Variants in NSD1 observed in about 807,000 individuals in gnomAD.
The protein encoded by NSD1 is histone-lysine N-methyltransferase, H3 lysine-36 specific.
A neutral mutation model predicts 242.7 loss-of-function variants in NSD1; 26 were observed. The ratio of observed to expected loss-of-function variants is 0.11; its 90% CI spans 0.08 to 0.15. NSD1 has a LOEUF of 0.15. Ranked by LOEUF, NSD1 falls within the 10% of genes least tolerant of loss-of-function variation. The pLI, the probability that NSD1 is intolerant of heterozygous loss-of-function variation, is 1.00. For synonymous variants in NSD1, 1,106 were observed against 1,178.1 expected, an observed-to-expected ratio of 0.94 and a Z score of 1.25; for missense variants, 2,495 against 3,272.8, an observed-to-expected ratio of 0.76 and a Z score of 5.80.
At chr5:177,190,656 G>A (rs1014532260) in intron 2 of NSD1, among the ~76,000 whole-genome samples, 1 of 151,704 alleles carries the variant, frequency 6.6e-6, no homozygotes, top group Non-Finnish European at 1.5e-5. Flanking sequence ...TCTATATACA[G>A]GAGGAACTAA....
At chr5:177,183,365 C>G (rs968399200) in intron 2 of NSD1, among the ~76,000 whole-genome samples, 1 of 152,138 alleles carries the variant, frequency 6.6e-6, no homozygotes, top group Non-Finnish European at 1.5e-5. Context: ...GAAACCGAAC[C>G]TGTAGTATCT....
intron 14 of NSD1, chr5:177,265,647 G>A (rs1037027779): frequency 1.2e-5 from 19 of 1,605,002 alleles, no homozygotes; most frequent in South Asian, 2.2e-5. Flanking sequence ...GTGAAGTCCC[G>A]GTCCCAGTTC....
chr5:177,179,282 C>T lies in NSD1; in HGVS notation c.928-12602C>T, dbSNP rs114793014. 9.2e-3 allele frequency among the ~76,000 whole-genome samples: 1,396 copies of T among 152,226 alleles called. 20 individuals are homozygous for T. The highest frequency in any genetic ancestry group is 0.032 in the African/African-American group (1,324 of 41,544). ...CCAGGCTGAAGTACAATGGCAGGAT[C>T]TCAGCTCACCATAACCTCCGCCTCC... On this transcript the variant is annotated intron_variant, in intron 2 of 22. Coordinates refer to ENST00000439151, the MANE Select transcript of NSD1 (RefSeq NM_022455.5).
At chr5:177,203,772 T>C (rs1409157470) in intron 3 of NSD1, among the ~76,000 whole-genome samples, 1 of 152,164 alleles carries the variant, frequency 6.6e-6, no homozygotes, top group Non-Finnish European at 1.5e-5. Context: ...ATATACATCT[T>C]CTGTATTTTT....
chr5:177,250,679 A>T (rs772154664), intron 11 of NSD1, among the ~76,000 whole-genome samples: 10 of 152,208 alleles, frequency 6.6e-5, no homozygotes, highest in Non-Finnish European at 1.2e-4. Flanking sequence ...GGGGAGTCAG[A>T]CATTTGAGGA....
chr5:177,136,898 G>A, intron 2 of NSD1: 1 of 700,306 alleles, frequency 1.4e-6, no homozygotes, highest in South Asian at 1.5e-5. Context: ...TGTTGCCCAG[G>A]CTGGCGTCGG....
At chr5:177,264,819 T>G (rs1294419445) in intron 14 of NSD1, 3 of 752,174 alleles carry the variant, frequency 4.0e-6, no homozygotes, top group African/African-American at 3.4e-5. Flanking sequence ...TCTGTAGGCC[T>G]TTTAGAAAAC....
intron 3 of NSD1, among the ~76,000 whole-genome samples, chr5:177,200,626 T>G (rs190809910): frequency 1.4e-4 from 21 of 152,326 alleles, no homozygotes; most frequent in Non-Finnish European, 1.2e-4. Context: ...TTTGACTATT[T>G]TAGATACCAC....
At chr5:177,159,273 GT>G (rs994038685) in intron 2 of NSD1, among the ~76,000 whole-genome samples, 106 of 143,706 alleles carry the variant, frequency 7.4e-4, no homozygotes, top group Middle Eastern at 3.6e-3. Context: ...TTTCTTTCCA[GT>G]TTTTTTTTTT....
chr5:177,255,821 G>T (rs1756403833), intron 12 of NSD1, among the ~76,000 whole-genome samples: 1 of 152,028 alleles, frequency 6.6e-6, no homozygotes, highest in Non-Finnish European at 1.5e-5. Flanking sequence ...CTGGCCTCCA[G>T]TGATCCAATT....
At chr5:177,274,417 C>G (rs902133513) in intron 17 of NSD1, among the ~76,000 whole-genome samples, 1 of 152,150 alleles carries the variant, frequency 6.6e-6, no homozygotes, top group Non-Finnish European at 1.5e-5. Context: ...TATGTTGTTG[C>G]TAAAATAATT....
chr5:177,190,677 T>G (rs1321545274), intron 2 of NSD1, among the ~76,000 whole-genome samples: 1 of 151,870 alleles, frequency 6.6e-6, no homozygotes, highest in Non-Finnish European at 1.5e-5. Context: ...TCCCAGGTTT[T>G]TTTTTTTTCC....
chr5:177,216,541 CT>C (rs771495579), intron 5 of NSD1, among the ~76,000 whole-genome samples: 56 of 152,126 alleles, frequency 3.7e-4, no homozygotes, highest in Non-Finnish European at 7.4e-4. Context: ...CATCTTCGTT[CT>C]TCAGCATGTG....
At chr5:177,172,405 T>G (rs1238970270) in intron 2 of NSD1, among the ~76,000 whole-genome samples, 2 of 152,204 alleles carry the variant, frequency 1.3e-5, no homozygotes, top group Non-Finnish European at 1.5e-5. Flanking sequence ...TAGGCTTTGA[T>G]GCTTTCATCA....
At chr5:177,279,569 G>GA (rs1411016767) in intron 17 of NSD1, among the ~76,000 whole-genome samples, 2 of 145,884 alleles carry the variant, frequency 1.4e-5, no homozygotes, top group Non-Finnish European at 3.0e-5. Context: ...GGCAATAGCA[G>GA]AAACCTAGTT....
chr5:177,236,118 A>C (rs1423217702), intron 6 of NSD1, among the ~76,000 whole-genome samples, 173 bp downstream of exon 6: 4 of 152,170 alleles, frequency 2.6e-5, no homozygotes, highest in Admixed American at 1.3e-4. Context: ...GAAATATATA[A>C]ATGAATCTAC....
chr5:177,231,291 C>T (rs1461910131), intron 5 of NSD1, among the ~76,000 whole-genome samples: 1 of 151,950 alleles, frequency 6.6e-6, no homozygotes, highest in African/African-American at 2.4e-5. Flanking sequence ...CGCCATGTTC[C>T]CCAGGCTTGT....
rs1221684953 is a variant in NSD1 at position 177,295,618 on chromosome 5, A to T, written c.*159A>T. ...TATCCCAACACTCAGAACTCTTGTG[A>T]CATTAGCCAGTGGGGGCTTATGGTT... On this transcript the variant is annotated 3_prime_UTR_variant, in exon 23 of 23. Coordinates refer to ENST00000439151, the MANE Select transcript of NSD1 (RefSeq NM_022455.5). The surrounding 1 kb of genome is among the most constrained non-coding windows in gnomAD (Gnocchi z 4.3). The T allele has an allele frequency of 1.2e-6, 1 of 825,340 alleles. No individual in the cohort carries two copies. The highest frequency in any genetic ancestry group is 1.7e-5 in the African/African-American group (1 of 59,014). 51.1% of individuals were successfully genotyped at this position (825,340 alleles called of 1,614,324 possible).
chr5:177,215,360 GAGATGGGGTTTC>G (rs1263538549), intron 5 of NSD1, among the ~76,000 whole-genome samples: 1 of 151,312 alleles, frequency 6.6e-6, no homozygotes, highest in Non-Finnish European at 1.5e-5. Flanking sequence ...ATTTTTAGTA[GAGATGGGGTTTC>G]ACCATGTTGG....
Sources: allele counts gnomAD v4.1 joint callset (sites outside exome capture counted in the v4.1 genomes callset), GRCh38; gene constraint gnomAD v4.1.1; non-coding constraint Gnocchi (gnomAD v3.1); transcripts MANE v1.5; gene names NCBI Gene and HGNC (gene_info 2026-07-23, HGNC 2026-07-21).